MBNL1: variants seen among roughly 807,000 people sequenced by gnomAD.
The protein encoded by MBNL1 is muscleblind like splicing regulator 1.
In MBNL1, 8 loss-of-function variants were observed where a neutral mutation model predicts 42.2. That is an observed-to-expected ratio of 0.19 (90% confidence interval 0.11 to 0.34). The LOEUF (loss-of-function observed/expected upper bound fraction) is 0.34. MBNL1 is among the 10% of genes least tolerant of loss of function. MBNL1 has a pLI of 1.00. For synonymous variants in MBNL1, 169 were observed against 173.9 expected (o/e 0.97, Z 0.22); for missense variants, 309 against 495.3 (o/e 0.62, Z 3.57).
chr3:152,344,808 G>A, intron 2 of MBNL1, among the ~76,000 whole-genome samples: 1 of 152,174 alleles, frequency 6.6e-6, no homozygotes, highest in South Asian at 2.1e-4. Flanking sequence ...ATTATTTTCA[G>A]ATGTGCCTGT....
At chr3:152,444,319 C>T (rs931144414) in intron 4 of MBNL1, among the ~76,000 whole-genome samples, 2 of 152,084 alleles carry the variant, frequency 1.3e-5, no homozygotes, top group Non-Finnish European at 1.5e-5. Context: ...ATAATGTTCT[C>T]GCCTTTTCCC....
intron 1 of MBNL1, among the ~76,000 whole-genome samples, chr3:152,271,322 G>GA (rs72111160): frequency 1.9e-4 from 28 of 150,080 alleles, no homozygotes; most frequent in South Asian, 4.2e-4. Flanking sequence ...TCTCCTGGGG[G>GA]AAAAAAAAAG....
At chr3:152,390,225 C>CA (rs1470839967) in intron 2 of MBNL1, among the ~76,000 whole-genome samples, 1 of 149,508 alleles carries the variant, frequency 6.7e-6, no homozygotes, top group Non-Finnish European at 1.5e-5. Context: ...TACATCTGTA[C>CA]AAAAACTTTT....
At chr3:152,283,252 T>C (rs534791198) in intron 1 of MBNL1, among the ~76,000 whole-genome samples, 1 of 152,208 alleles carries the variant, frequency 6.6e-6, no homozygotes, top group Non-Finnish European at 1.5e-5. Context: ...ACCTTCTCTC[T>C]TCTGAAACCT....
intron 2 of MBNL1, among the ~76,000 whole-genome samples, chr3:152,365,555 T>G (rs2096301766): frequency 6.6e-6 from 1 of 152,170 alleles, no homozygotes; most frequent in Non-Finnish European, 1.5e-5. Context: ...TAAAAGGATG[T>G]ACTAGAGGTT....
At chr3:152,367,334 A>T (rs987251457) in intron 2 of MBNL1, among the ~76,000 whole-genome samples, 2 of 152,108 alleles carry the variant, frequency 1.3e-5, no homozygotes, top group African/African-American at 4.8e-5. Context: ...AGCTTCATCC[A>T]TGTCCCTGCA....
chr3:152,340,000 C>G (rs1267456105), intron 2 of MBNL1: 1 of 152,186 alleles, frequency 6.6e-6, no homozygotes, highest in African/African-American at 2.4e-5. Context: ...GAGATTTTAC[C>G]TATAGACACA....
At chr3:152,460,803 A>C (rs1377740727) in intron 9 of MBNL1, among the ~76,000 whole-genome samples, 2 of 152,186 alleles carry the variant, frequency 1.3e-5, no homozygotes, top group Non-Finnish European at 2.9e-5. Context: ...ATGGGTGACC[A>C]TTCTTTGTTG....
At chr3:152,247,706 AT>A (rs1436546231) in intron 2 of MBNL1, among the ~76,000 whole-genome samples, 1 of 151,950 alleles carries the variant, frequency 6.6e-6, no homozygotes, top group Non-Finnish European at 1.5e-5. Context: ...CTTAGATTTA[AT>A]GTTTTTAAAA....
intron 2 of MBNL1, among the ~76,000 whole-genome samples, chr3:152,355,910 C>T (rs990348854): frequency 6.6e-5 from 10 of 152,138 alleles, no homozygotes; most frequent in African/African-American, 2.4e-4. Flanking sequence ...ATATCATGTG[C>T]AACATGTGTT....
At chr3:152,274,009 C>G (rs1459585595) in intron 1 of MBNL1, among the ~76,000 whole-genome samples, 4 of 152,148 alleles carry the variant, frequency 2.6e-5, no homozygotes, top group African/African-American at 9.7e-5. Context: ...AATATGAAAT[C>G]TAAATACCAG....
At chr3:152,268,748 G>A (rs1285865827), upstream of MBNL1, 1 of 454,712 alleles carries the variant, frequency 2.2e-6, no homozygotes, top group Admixed American at 2.4e-5. Flanking sequence ...CCTGTGGCCC[G>A]GGGAAGCGCG....
At chr3:152,339,122 ATAAT>A (rs2092347826) in intron 2 of MBNL1, among the ~76,000 whole-genome samples, 2 of 152,228 alleles carry the variant, frequency 1.3e-5, no homozygotes, top group African/African-American at 4.8e-5. Flanking sequence ...TCTTAAATCC[ATAAT>A]TAATTCAAAA....
intron 4 of MBNL1, among the ~76,000 whole-genome samples, chr3:152,441,617 A>C (rs1289747960): frequency 2.6e-5 from 4 of 152,216 alleles, no homozygotes; most frequent in African/African-American, 9.6e-5. Flanking sequence ...TTTAAAGTTT[A>C]TAATTATTCC....
At chr3:152,381,464 T>A (rs1579131461) in intron 2 of MBNL1, among the ~76,000 whole-genome samples, 1 of 152,052 alleles carries the variant, frequency 6.6e-6, no homozygotes, top group East Asian at 1.9e-4. Context: ...TAAAATATTT[T>A]AAATTTTAAA....
chr3:152,268,672 C>T (rs1278360529), upstream of MBNL1: 3 of 436,246 alleles, frequency 6.9e-6, no homozygotes, highest in African/African-American at 2.0e-5. Flanking sequence ...CTTCCTCCTG[C>T]TCTCGGCGCC....
chr3:152,387,697 A>G (rs1306499755), intron 2 of MBNL1, among the ~76,000 whole-genome samples: 1 of 152,154 alleles, frequency 6.6e-6, no homozygotes, highest in Non-Finnish European at 1.5e-5. Flanking sequence ...AACCTCACCT[A>G]GGTAAAGTGC....
chr3:152,308,639 T>C (rs527516319), intron 2 of MBNL1, among the ~76,000 whole-genome samples: 1 of 152,226 alleles, frequency 6.6e-6, no homozygotes, highest in South Asian at 2.1e-4. Context: ...GTTTTTTGAA[T>C]GTAGTGCTCA....
intron 1 of MBNL1, among the ~76,000 whole-genome samples, chr3:152,272,042 TC>T (rs1315516791): frequency 3.2e-4 from 16 of 50,154 alleles, no homozygotes; most frequent in African/African-American, 1.2e-3. Context: ...GTTTCTTTTC[TC>T]TCTCTCTCTC....
Sources: gnomAD v4.1 joint callset for allele counts (sites outside exome capture counted in the v4.1 genomes callset) on GRCh38, gnomAD v4.1.1 for gene constraint, MANE v1.5 for transcripts, NCBI Gene and HGNC (gene_info 2026-07-23, HGNC 2026-07-21) for gene names.